The following TNKS2 variants were observed in gnomAD, a reference collection of about 807,000 sequenced individuals.
The protein encoded by TNKS2 is poly [ADP-ribose] polymerase tankyrase-2.
A neutral mutation model predicts 137.6 loss-of-function variants in TNKS2; 72 were observed. That is an observed-to-expected ratio of 0.52 (90% confidence interval 0.43 to 0.64). The LOEUF is 0.64. TNKS2 is among the 30% of genes least tolerant of loss of function. TNKS2 has a pLI of 0.00. For missense variants in TNKS2, 1,049 were observed against 1,410.2 expected (o/e 0.74, Z 4.10); for synonymous variants, 516 against 512.1 (o/e 1.01, Z -0.10).
In TNKS2 at chr10:91,827,018, A is replaced by G. The variant is rs763898957; in HGVS notation, c.797A>G (p.His266Arg). 1.3e-6 allele frequency: 2 copies of G among 1,561,974 alleles called. No homozygotes were observed. Among genetic ancestry groups the G allele is most frequent in the Non-Finnish European group, 1.7e-6 (2 of 1,154,162 alleles). ...HYEVTELLVK[H>R]GACVNAMDLW... Reference sequence around the variant, plus strand: ...AAATATATGCTTTTTGCTCTCCAGCATGGTGCCTGTGTAAATGCAATGGAC... The same window carrying G: ...AAATATATGCTTTTTGCTCTCCAGCGTGGTGCCTGTGTAAATGCAATGGAC... The change falls in exon 8 of 27, where the codon CAT becomes CGT. Residue 266 changes from histidine (H) to arginine (R), a missense_variant and splice_region_variant. By Grantham distance (29) the His-to-Arg change is conservative (BLOSUM62 0). Coordinates refer to ENST00000371627, the MANE Select transcript of TNKS2 (RefSeq NM_025235.4).
In TNKS2 at chr10:91,848,035, C is replaced by T. The variant is rs555296350; in HGVS notation, c.2359-348C>T. ...GGTTGAATATCCCTTATCGGAAATG[C>T]TTAGAACCAGATGTGTTTTCGGCTT... is the stretch of plus-strand genomic sequence containing the variant. On this transcript the variant is annotated intron_variant, in intron 18 of 26. Transcript: ENST00000371627. 2.0e-5 allele frequency among the ~76,000 whole-genome samples: 3 copies of T among 152,114 alleles called. No homozygotes were observed. In the South Asian group the frequency reaches 6.2e-4, roughly 32 times the overall value.
At chr10:91,831,226 T>C (rs1845236102) in intron 11 of TNKS2, 45 bp downstream of exon 11, 1 of 1,553,170 alleles carries the variant, frequency 6.4e-7, no homozygotes, top group African/African-American at 1.4e-5. Context: ...ATGAGTTATT[T>C]TTTATTTAGC....
At chr10:91,844,711 G>A (rs1409451877) in intron 16 of TNKS2, among the ~76,000 whole-genome samples, 1 of 152,176 alleles carries the variant, frequency 6.6e-6, no homozygotes, top group African/African-American at 2.4e-5. Flanking sequence ...ATGTTTTCCA[G>A]AAGGTAAATT....
chr10:91,836,427 A>G (rs140543906), intron 12 of TNKS2, among the ~76,000 whole-genome samples: 13 of 152,128 alleles, frequency 8.5e-5, no homozygotes, highest in Non-Finnish European at 1.6e-4. Flanking sequence ...TGAGCTGTAA[A>G]CTTAGAATTT....
At chr10:91,815,592 A>G (rs1281949511) in intron 2 of TNKS2, among the ~76,000 whole-genome samples, 1 of 151,248 alleles carries the variant, frequency 6.6e-6, no homozygotes, top group Non-Finnish European at 1.5e-5. Flanking sequence ...ACTTAGTACA[A>G]AAAAAAATGT....
chr10:91,840,301 C>CT (rs1014806387), intron 13 of TNKS2, among the ~76,000 whole-genome samples: 30 of 152,188 alleles, frequency 2.0e-4, no homozygotes, highest in African/African-American at 7.2e-4. Flanking sequence ...GATTGCGCCA[C>CT]TGCACCCCAG....
chr10:91,851,118 G>A, intron 20 of TNKS2, 98 bp from the exon 21 acceptor site: 1 of 1,400,566 alleles, frequency 7.1e-7, no homozygotes, highest in Non-Finnish European at 9.8e-7. Context: ...AAAATAATCT[G>A]GAGTAAATGT....
intron 4 of TNKS2, 69 bp downstream of exon 4, chr10:91,819,375 T>C (rs1457711917): frequency 2.9e-5 from 38 of 1,298,342 alleles, no homozygotes; most frequent in Non-Finnish European, 3.7e-5. Flanking sequence ...TTTTTTTTTT[T>C]ACAGTAAGCA....
At position 91,826,725 on chromosome 10, in the gene TNKS2, A is replaced by G. The variant is rs977851216; in HGVS notation, c.796-292A>G. On this transcript the variant is annotated intron_variant, in intron 7 of 26. Coordinates refer to ENST00000371627, the MANE Select transcript of TNKS2 (RefSeq NM_025235.4). ...TTGTATGTTTCACTGTATGTCAGCT[A>G]TACCGCAAGAGGAGCATTCATTCTT... is the stretch of plus-strand genomic sequence containing the variant. Among the ~76,000 whole-genome samples the G allele has an allele frequency of 4.6e-5, 7 of 152,230 alleles. No homozygotes were observed. The East Asian group carries it at 7.7e-4, about 17-fold the overall frequency.
chr10:91,834,803 T>C (rs974091019), intron 12 of TNKS2, among the ~76,000 whole-genome samples: 1 of 152,196 alleles, frequency 6.6e-6, no homozygotes, highest in African/African-American at 2.4e-5. Flanking sequence ...TTCATTTCAT[T>C]GTCAGTTTTT....
At chr10:91,828,427 T>G in intron 9 of TNKS2, 21 bp downstream of exon 9, 2 of 1,539,880 alleles carry the variant, frequency 1.3e-6, no homozygotes, top group Non-Finnish European at 1.7e-6. Context: ...AGATTTAAGT[T>G]TTTAAAATAC....
chr10:91,827,034 T>C lies in TNKS2; in HGVS notation c.813T>C (p.Asn271=). 1 of 1,584,940 alleles carries C rather than the reference T, an allele frequency of 6.3e-7. No individual in the cohort carries two copies. Among genetic ancestry groups the C allele is most frequent in the Non-Finnish European group, 8.6e-7 (1 of 1,168,042 alleles). ...CTCTCCAGCATGGTGCCTGTGTAAA[T>C]GCAATGGACTTGTGGCAATTCACTC... The part of the protein sequence containing the change: ...ELLVKHGACV[N]AMDLWQFTPL... The change falls in exon 8 of 27, where the codon AAT becomes AAC. Residue 271 remains asparagine (N), a synonymous_variant. Transcript: ENST00000371627.
At chr10:91,857,063 A>G (rs1237286834) in intron 23 of TNKS2, among the ~76,000 whole-genome samples, 2 of 152,184 alleles carry the variant, frequency 1.3e-5, no homozygotes, top group Non-Finnish European at 2.9e-5. Flanking sequence ...TACATTGGGG[A>G]AAAAGGATAT....
chr10:91,819,591 TC>T, intron 5 of TNKS2, 34 bp downstream of exon 5: 1 of 1,469,966 alleles, frequency 6.8e-7, no homozygotes, highest in African/African-American at 1.4e-5. Flanking sequence ...TGTGCTTATC[TC>T]CTGGTAACAT....
At chr10:91,803,020 T>C (rs1432742394) in intron 1 of TNKS2, among the ~76,000 whole-genome samples, 1 of 152,222 alleles carries the variant, frequency 6.6e-6, no homozygotes, top group South Asian at 2.1e-4. Flanking sequence ...TTTGGAGTAC[T>C]CCTTTCAGTG....
chr10:91,813,064 C>G lies in TNKS2; in HGVS notation c.281C>G (p.Pro94Arg). 6.2e-7 allele frequency: 1 copy of G among 1,614,114 alleles called. No homozygotes were observed. The highest frequency in any genetic ancestry group is 8.5e-7 in the Non-Finnish European group (1 of 1,180,020). Residue 94 changes from proline (P) to arginine (R), a missense_variant, in exon 2 of 27, where the codon CCT becomes CGT. Pro to Arg is a moderately radical substitution (Grantham distance 103). Coordinates refer to ENST00000371627, the MANE Select transcript of TNKS2 (RefSeq NM_025235.4). ...VQARDDGGLI[P>R]LHNACSFGHA... The stretch of plus-strand genomic sequence containing the variant: ...GCACGTGATGATGGGGGCCTTATTC[C>G]TCTTCATAATGCATGCTCTTTTGGT...
intron 7 of TNKS2, 27 bp from the exon 8 acceptor site, chr10:91,826,990 A>G (rs1180349378): frequency 1.3e-6 from 2 of 1,484,176 alleles, no homozygotes; most frequent in Non-Finnish European, 1.8e-6. Flanking sequence ...AAAATTGAAC[A>G]TTAAATATAT....
intron 18 of TNKS2, among the ~76,000 whole-genome samples, chr10:91,847,614 A>G (rs1842418080): frequency 6.6e-6 from 1 of 151,908 alleles, no homozygotes; most frequent in Non-Finnish European, 1.5e-5. Flanking sequence ...TCGGCCTCCC[A>G]AAGTGCTGGG....
Position 91,865,069 on chromosome 10 carries a change from G to C in TNKS2, c.*2070G>C, listed in dbSNP as rs1027010669. 2.6e-5 allele frequency: 4 copies of C among 152,312 alleles called. No individual in the cohort carries two copies. The South Asian group carries it at 8.3e-4, about 32-fold the overall frequency. 9.4% of individuals were successfully genotyped at this position (152,312 alleles called of 1,614,324 possible). A position where few individuals can be genotyped will look rare whatever the true frequency, so the allele number is the denominator to read the frequency against. On this transcript the variant is annotated 3_prime_UTR_variant, in exon 27 of 27. Coordinates refer to ENST00000371627, the MANE Select transcript of TNKS2 (RefSeq NM_025235.4). ...TTGTTTGTTGGGAAGTTGGGGTTTT[G>C]GGGGGAGGGGGAGTATTAGTACGTT...
Sources: allele counts gnomAD v4.1 joint callset (sites outside exome capture counted in the v4.1 genomes callset), GRCh38; gene constraint gnomAD v4.1.1; transcripts MANE v1.5; gene names NCBI Gene and HGNC (gene_info 2026-07-23, HGNC 2026-07-21).